The following DOK6 variants were observed in gnomAD, a reference collection of about 807,000 sequenced individuals.
DOK6 encodes the protein docking protein 6.
Under a neutral mutation model 44.0 loss-of-function variants are expected in DOK6, and 22 were observed. The observed-to-expected ratio is 0.50, with a 90% confidence interval of 0.36 to 0.71. The LOEUF is 0.71. Among genes scored for constraint, DOK6 ranks in the 30% least tolerant of loss-of-function variants. DOK6 has a pLI of 0.00. For synonymous variants in DOK6, 166 were observed against 145.5 expected (o/e 1.14, Z -1.01); for missense variants, 340 against 416.4 (o/e 0.82, Z 1.60).
At chr18:69,693,796 C>T (rs1986322950) in intron 4 of DOK6, among the ~76,000 whole-genome samples, 1 of 152,020 alleles carries the variant, frequency 6.6e-6, no homozygotes, top group African/African-American at 2.4e-5. Flanking sequence ...CGGTGGTTCA[C>T]GCCTGTAATC....
At chr18:69,827,595 G>A (rs1038564991) in intron 7 of DOK6, among the ~76,000 whole-genome samples, 12 of 151,878 alleles carry the variant, frequency 7.9e-5, no homozygotes, top group Non-Finnish European at 1.5e-4. Flanking sequence ...AACACATATC[G>A]TCGAAGTCAT....
intron 1 of DOK6, among the ~76,000 whole-genome samples, chr18:69,500,945 GC>G (rs1265563352): frequency 3.3e-5 from 5 of 152,018 alleles, no homozygotes; most frequent in Non-Finnish European, 7.4e-5. Context: ...AATCTGAAAT[GC>G]CAACAAACAT....
chr18:69,427,784 T>C (rs1978683253), intron 1 of DOK6, among the ~76,000 whole-genome samples: 1 of 151,768 alleles, frequency 6.6e-6, no homozygotes, highest in Non-Finnish European at 1.5e-5. Context: ...CCCTACCTTT[T>C]TTTTTTTTTT....
At chr18:69,654,921 G>C (rs2144666130) in intron 3 of DOK6, among the ~76,000 whole-genome samples, 1 of 152,272 alleles carries the variant, frequency 6.6e-6, no homozygotes, top group Non-Finnish European at 1.5e-5. Context: ...AGCTGGGTAT[G>C]GTGGTGTGCA....
chr18:69,600,802 G>T (rs1471991877), intron 3 of DOK6, among the ~76,000 whole-genome samples: 2 of 152,094 alleles, frequency 1.3e-5, no homozygotes, highest in East Asian at 3.9e-4. Flanking sequence ...ATTTGTTAAA[G>T]AATGATATTT....
At chr18:69,566,675 G>T (rs141897123) in intron 2 of DOK6, among the ~76,000 whole-genome samples, 1,590 of 152,284 alleles carry the variant, frequency 0.01, 27 homozygotes, top group African/African-American at 0.036. Flanking sequence ...GAAAAAGCTT[G>T]CATTCTAGTG....
chr18:69,672,424 T>A (rs935970607), intron 3 of DOK6, among the ~76,000 whole-genome samples: 3 of 152,240 alleles, frequency 2.0e-5, no homozygotes, highest in Admixed American at 6.5e-5. Context: ...AATGGCGCGA[T>A]CTCAGCTCAC....
intron 7 of DOK6, among the ~76,000 whole-genome samples, chr18:69,758,996 G>T (rs904385566): frequency 6.6e-6 from 1 of 152,178 alleles, no homozygotes; most frequent in East Asian, 1.9e-4. Flanking sequence ...GTTCTACAAG[G>T]CAAAGCAGTT....
At chr18:69,499,635 T>C (rs914833469) in intron 1 of DOK6, among the ~76,000 whole-genome samples, 9 of 152,296 alleles carry the variant, frequency 5.9e-5, no homozygotes, top group African/African-American at 1.9e-4. Context: ...CTGACAATTC[T>C]GACGTTTGTA....
At position 69,797,867 on chromosome 18, in the gene DOK6, G is replaced by A. The variant is rs370601945; in HGVS notation, c.856+39994G>A. On this transcript the variant is annotated intron_variant, in intron 7 of 7. Coordinates refer to ENST00000382713, the MANE Select transcript of DOK6 (RefSeq NM_152721.6). ...TAAAAAAAGTGATTATTGCCTCCTT[G>A]TAATGTTCTCTAAATAGCAGTTGTT... 2.0e-5 allele frequency among the ~76,000 whole-genome samples: 3 copies of A among 152,054 alleles called. No individual in the cohort carries two copies. The East Asian group carries it at 5.8e-4, about 29-fold the overall frequency.
intron 7 of DOK6, among the ~76,000 whole-genome samples, chr18:69,769,394 G>A (rs1979821254): frequency 6.6e-6 from 1 of 151,944 alleles, no homozygotes; most frequent in Admixed American, 6.6e-5. Context: ...TTCCAGTTTA[G>A]GATTCTGTAT....
At chr18:69,797,949 C>T (rs148779671) in intron 7 of DOK6, among the ~76,000 whole-genome samples, 47 of 152,230 alleles carry the variant, frequency 3.1e-4, no homozygotes, top group African/African-American at 1.1e-3. Flanking sequence ...GAATCTAGAA[C>T]TACCAATAGC....
intron 3 of DOK6, among the ~76,000 whole-genome samples, chr18:69,648,550 C>A (rs1985142492): frequency 6.6e-6 from 1 of 152,096 alleles, no homozygotes; most frequent in Non-Finnish European, 1.5e-5. Flanking sequence ...ATTTTAAAAT[C>A]ATAATAAAAT....
intron 5 of DOK6, among the ~76,000 whole-genome samples, chr18:69,736,315 AAAAC>A (rs145619508): frequency 0.52 from 78,547 of 151,630 alleles, 23,469 homozygotes; most frequent in East Asian, 0.69. Flanking sequence ...CACAATGTTG[AAAAC>A]AAACAAAAAC....
intron 6 of DOK6, among the ~76,000 whole-genome samples, chr18:69,739,330 A>G (rs924246951): frequency 5.3e-5 from 8 of 152,190 alleles, no homozygotes; most frequent in African/African-American, 1.2e-4. Flanking sequence ...GCATCTACCT[A>G]TGTAAGACCT....
chr18:69,403,177 G>A (rs1916135331), intron 1 of DOK6, among the ~76,000 whole-genome samples: 1 of 152,154 alleles, frequency 6.6e-6, no homozygotes, highest in Admixed American at 6.5e-5. Flanking sequence ...AGAGTCACCT[G>A]CATATGAAAA....
chr18:69,746,593 T>C (rs1232843669), intron 6 of DOK6, among the ~76,000 whole-genome samples: 1 of 152,220 alleles, frequency 6.6e-6, no homozygotes, highest in East Asian at 1.9e-4. Context: ...ACTCATTTCT[T>C]CAGGTTTAAT....
chr18:69,437,267 T>G (rs961586217), intron 1 of DOK6, among the ~76,000 whole-genome samples: 1 of 152,246 alleles, frequency 6.6e-6, no homozygotes, highest in African/African-American at 2.4e-5. Context: ...CTAGGTTTTC[T>G]TCTAGGATAT....
chr18:69,540,032 G>C (rs999942191), intron 1 of DOK6, among the ~76,000 whole-genome samples: 12 of 82,540 alleles, frequency 1.5e-4, no homozygotes, highest in African/African-American at 4.9e-4. Flanking sequence ...TGTGTTGGAG[G>C]AACTGTCAAA....
Sources: allele counts gnomAD v4.1 joint callset (sites outside exome capture counted in the v4.1 genomes callset), GRCh38; gene constraint gnomAD v4.1.1; transcripts MANE v1.5; gene names NCBI Gene and HGNC (gene_info 2026-07-23, HGNC 2026-07-21).